The following TAFA2 variants were observed in gnomAD, a reference collection of about 807,000 sequenced individuals.
The protein encoded by TAFA2 is chemokine-like protein TAFA-2.
TAFA2 carries 7 observed loss-of-function variants against 18.8 expected under a neutral mutation model. The ratio of observed to expected loss-of-function variants is 0.37; its 90% CI spans 0.21 to 0.70. The LOEUF is 0.70. TAFA2 is among the 30% of genes least tolerant of loss of function. The probability of loss-of-function intolerance (pLI) is 0.53; values close to 1 mark genes in which losing one functional copy is unlikely to be tolerated. For synonymous variants in TAFA2, 60 were observed against 54.2 expected, an observed-to-expected ratio of 1.11 and a Z score of -0.47; for missense variants, 122 against 158.1, an observed-to-expected ratio of 0.77 and a Z score of 1.23.
intron 1 of TAFA2, among the ~76,000 whole-genome samples, chr12:62,109,768 G>T (rs1313156223): frequency 1.3e-5 from 2 of 152,228 alleles, no homozygotes; most frequent in African/African-American, 2.4e-5. Context: ...CTCATGATTT[G>T]GCTCTCTGTT....
At position 61,867,306 on chromosome 12, in the gene TAFA2, A is replaced by AAG. The variant is rs368021999; in HGVS notation, c.106+13_106+14insCT. On this transcript the variant is annotated intron_variant, in intron 2 of 4. Coordinates refer to ENST00000416284, the MANE Select transcript of TAFA2 (RefSeq NM_178539.5). ...CATCCACATTTAGTTGAAAAAAAAA[A>AAG]CAGAAAAGCTTACCTTTATGATGGT... 1 of 1,528,620 alleles carries AAG rather than the reference A, an allele frequency of 6.5e-7. No homozygotes were observed. The highest frequency in any genetic ancestry group is 1.9e-5 in the Admixed American group (1 of 53,454). The allele number at this position is 1,528,620 out of a possible 1,614,324, so 94.7% of individuals were successfully genotyped here.
intron 1 of TAFA2, among the ~76,000 whole-genome samples, chr12:62,141,736 C>A (rs2062241147): frequency 1.3e-5 from 2 of 152,140 alleles, no homozygotes; most frequent in Non-Finnish European, 2.9e-5. Flanking sequence ...AGCCATGCCC[C>A]AAACAGGGGG....
At chr12:62,219,875 A>G (rs1168706673) in intron 1 of TAFA2, among the ~76,000 whole-genome samples, 1 of 152,196 alleles carries the variant, frequency 6.6e-6, no homozygotes, top group Non-Finnish European at 1.5e-5. Flanking sequence ...GAAAATACTC[A>G]ACAAGCTAAG....
rs572160192 is a variant in TAFA2, at chr12:61,721,149, G to T, written c.385-10732C>A. Among the ~76,000 whole-genome samples the T allele has an allele frequency of 1.6e-3, 245 of 152,062 alleles. 1 individual carries two copies. The highest frequency in any genetic ancestry group is 5.6e-3 in the African/African-American group (233 of 41,466). On this transcript the variant is annotated intron_variant, in intron 4 of 4. Transcript: ENST00000416284. ...TTCAAAGAGACACACACCTTTAAATGGGACTAAAATAAACAGTTTTTACAA... is the reference window on the plus strand; with the variant it reads ...TTCAAAGAGACACACACCTTTAAATTGGACTAAAATAAACAGTTTTTACAA...
chr12:61,879,976 TG>T, intron 1 of TAFA2: 1 of 835,580 alleles, frequency 1.2e-6, no homozygotes, highest in Non-Finnish European at 2.1e-6. Context: ...AAGGGCTGAC[TG>T]ATGAGATCAA....
intron 1 of TAFA2, among the ~76,000 whole-genome samples, chr12:61,899,222 A>C (rs1341133070): frequency 1.3e-5 from 2 of 151,912 alleles, no homozygotes; most frequent in African/African-American, 4.8e-5. Flanking sequence ...AACTGTTCCA[A>C]CCTCTGTCTG....
At chr12:61,768,292 C>CA (rs930143803) in intron 2 of TAFA2, among the ~76,000 whole-genome samples, 19 of 151,662 alleles carry the variant, frequency 1.3e-4, no homozygotes, top group East Asian at 3.9e-4. Flanking sequence ...CACTGTCAGT[C>CA]AAAAAAAATG....
At chr12:61,724,737 T>C (rs920162231) in intron 4 of TAFA2, among the ~76,000 whole-genome samples, 17 of 144,136 alleles carry the variant, frequency 1.2e-4, no homozygotes, top group Admixed American at 2.1e-4. Context: ...TGAGTAGTAT[T>C]CCATGGTATG....
chr12:62,238,939 G>C (rs564961549), intron 1 of TAFA2, among the ~76,000 whole-genome samples: 1 of 152,116 alleles, frequency 6.6e-6, no homozygotes, highest in Non-Finnish European at 1.5e-5. Flanking sequence ...ATCCATCTTT[G>C]CAATTCCAGA....
intron 4 of TAFA2, among the ~76,000 whole-genome samples, chr12:61,730,642 G>T (rs1870399487): frequency 6.6e-6 from 1 of 152,020 alleles, no homozygotes; most frequent in Non-Finnish European, 1.5e-5. Flanking sequence ...ATGTTACAAG[G>T]GGATTATGGC....
rs1465181768 is a variant in TAFA2 at position 61,837,065 on chromosome 12, ACTTC to A, written c.106+30251_106+30254del. On this transcript the variant is annotated intron_variant, in intron 2 of 4. Coordinates refer to ENST00000416284, the MANE Select transcript of TAFA2 (RefSeq NM_178539.5). The stretch of plus-strand genomic sequence containing the variant: ...AAAGTTTTTTAATTTTCACATTAAA[ACTTC>A]AGAAAGTTTTTAATTTTTATTTTTA... Among the ~76,000 whole-genome samples the A allele has an allele frequency of 3.3e-5, 5 of 151,726 alleles. No homozygotes were observed. The South Asian group carries it at 8.3e-4, about 25-fold the overall frequency.
chr12:62,075,186 G>C (rs1882730480), intron 1 of TAFA2, among the ~76,000 whole-genome samples: 1 of 151,962 alleles, frequency 6.6e-6, no homozygotes, highest in Non-Finnish European at 1.5e-5. Flanking sequence ...TATATGCTAG[G>C]CACTATTTAT....
intron 1 of TAFA2, among the ~76,000 whole-genome samples, chr12:62,031,139 G>A (rs1565722210): frequency 3.9e-5 from 6 of 152,120 alleles, no homozygotes; most frequent in South Asian, 2.1e-4. Flanking sequence ...ATTGAAGGAT[G>A]CAAAGTATTG....
chr12:62,069,119 G>A (rs1405629296), intron 1 of TAFA2, among the ~76,000 whole-genome samples: 8 of 152,062 alleles, frequency 5.3e-5, no homozygotes, highest in Admixed American at 5.2e-4. Flanking sequence ...TGTGATCTAT[G>A]GAAGCCATCA....
At chr12:62,095,467 G>A (rs373232289) in intron 1 of TAFA2, among the ~76,000 whole-genome samples, 25 of 152,116 alleles carry the variant, frequency 1.6e-4, no homozygotes, top group East Asian at 1.5e-3. Flanking sequence ...ATTCTGTAAG[G>A]CCAGATGGCA....
chr12:61,829,686 G>C (rs964972876), intron 2 of TAFA2, among the ~76,000 whole-genome samples: 5 of 151,334 alleles, frequency 3.3e-5, no homozygotes, highest in Non-Finnish European at 3.0e-5. Context: ...TTTATCTTTT[G>C]TGCCAAAAAT....
At chr12:62,057,229 T>G (rs921570791) in intron 1 of TAFA2, among the ~76,000 whole-genome samples, 1 of 152,208 alleles carries the variant, frequency 6.6e-6, no homozygotes, top group Non-Finnish European at 1.5e-5. Context: ...TTTTCCCCCT[T>G]TTGTTTAAGT....
intron 1 of TAFA2, among the ~76,000 whole-genome samples, chr12:62,209,145 G>A (rs1389657052): frequency 6.6e-6 from 1 of 152,196 alleles, no homozygotes; most frequent in Admixed American, 6.5e-5. Context: ...GTTAGGCTTT[G>A]TGTCCCTACC....
At chr12:62,042,504 C>T (rs1881791033) in intron 1 of TAFA2, among the ~76,000 whole-genome samples, 1 of 151,662 alleles carries the variant, frequency 6.6e-6, no homozygotes. Flanking sequence ...TTCATCTGGC[C>T]AGTGTCCCTG....
Sources: allele counts gnomAD v4.1 joint callset (sites outside exome capture counted in the v4.1 genomes callset), GRCh38; gene constraint gnomAD v4.1.1; transcripts MANE v1.5; gene names NCBI Gene and HGNC (gene_info 2026-07-23, HGNC 2026-07-21).